UBE2D4: variants seen among roughly 807,000 people sequenced by gnomAD.
The protein encoded by UBE2D4 is ubiquitin conjugating enzyme E2 D4.
A neutral mutation model predicts 23.0 loss-of-function variants in UBE2D4; 17 were observed. That is an observed-to-expected ratio of 0.74 (90% CI 0.51 to 1.11). The LOEUF (loss-of-function observed/expected upper bound fraction) is 1.11. UBE2D4 is among the 50% of genes least tolerant of loss of function. The pLI is 0.00. For missense variants in UBE2D4, 139 were observed against 181.8 expected, an observed-to-expected ratio of 0.76 and a Z score of 1.35; for synonymous variants, 61 against 69.4, an observed-to-expected ratio of 0.88 and a Z score of 0.60.
At chr7:43,947,079 C>G (rs1292960985) in intron 4 of UBE2D4, 4 of 151,934 alleles carry the variant, frequency 2.6e-5, no homozygotes, top group Non-Finnish European at 5.9e-5. Context: ...CGCCCTGTGT[C>G]CCTGTGTTCT....
At position 43,953,268 on chromosome 7, in the gene UBE2D4, G is replaced by T; in HGVS notation, c.*573G>T. 2.2e-6 allele frequency: 1 copy of T among 451,330 alleles called. No individual in the cohort carries two copies. Among genetic ancestry groups the T allele is most frequent in the South Asian group, 1.6e-5 (1 of 63,862 alleles). The allele number at this position is 451,330 out of a possible 1,614,324, so 28.0% of individuals were successfully genotyped here. ...CTGTGGCTTCCACCAGTCTCCTCCT[G>T]CAGTGCCACGTGGTGGCATTTCTCG... is the stretch of plus-strand genomic sequence containing the variant. On this transcript the variant is annotated 3_prime_UTR_variant, in exon 7 of 7. Transcript: ENST00000222402.
rs763477498 is a variant in UBE2D4 at position 43,950,645 on chromosome 7, C to T, written c.351C>T (p.Asp117=). ...CSLLCDPNPD[D]PLVPEIAHTY... ...TGCTCTGCGACCCCAACCCCGATGACCCCCTGGTGCCAGAGATAGCACACA... is the reference window on the plus strand; with the variant it reads ...TGCTCTGCGACCCCAACCCCGATGATCCCCTGGTGCCAGAGATAGCACACA... Residue 117 remains aspartate (D), a synonymous_variant, in exon 6 of 7, where the codon GAC becomes GAT. Transcript: ENST00000222402. 35 of 1,614,054 alleles carry T rather than the reference C, an allele frequency of 2.2e-5. No individual in the cohort carries two copies. The Middle Eastern group carries it at 4.9e-4, about 23-fold the overall frequency.
Position 43,952,718 on chromosome 7 carries a change from G to A in UBE2D4, c.*23G>A. On this transcript the variant is annotated 3_prime_UTR_variant, in exon 7 of 7. Coordinates refer to ENST00000222402, the MANE Select transcript of UBE2D4 (RefSeq NM_015983.4). Reference sequence around the variant, plus strand: ...TAAGTGCCTTGGAGGTTTTACATGAGACACTGTCCAAGAGAAGCTGGCAGA... The same window carrying A: ...TAAGTGCCTTGGAGGTTTTACATGAAACACTGTCCAAGAGAAGCTGGCAGA... 9 of 1,604,344 alleles carry A rather than the reference G, an allele frequency of 5.6e-6. No homozygotes were observed. The highest frequency in any genetic ancestry group is 7.7e-6 in the Non-Finnish European group (9 of 1,171,406).
At chr7:43,938,390 C>G in intron 1 of UBE2D4, 41 bp from the exon 2 acceptor site, 1 of 1,593,754 alleles carries the variant, frequency 6.3e-7, no homozygotes. Context: ...AGGCAGCATC[C>G]CCAGCATACA....
At chr7:43,933,461 C>T (rs1674670877) in intron 1 of UBE2D4, among the ~76,000 whole-genome samples, 1 of 152,110 alleles carries the variant, frequency 6.6e-6, no homozygotes, top group African/African-American at 2.4e-5. Flanking sequence ...AAACTTGGGG[C>T]TGGGCGTGGT....
At chr7:43,936,720 A>G (rs1482067914) in intron 1 of UBE2D4, among the ~76,000 whole-genome samples, 1 of 152,188 alleles carries the variant, frequency 6.6e-6, no homozygotes, top group Admixed American at 6.5e-5. Flanking sequence ...CTTGATATTT[A>G]CTGGGTGCTC....
At chr7:43,937,509 T>A (rs114358070) in intron 1 of UBE2D4, among the ~76,000 whole-genome samples, 161 of 152,284 alleles carry the variant, frequency 1.1e-3, no homozygotes, top group African/African-American at 3.5e-3. Context: ...TATGAGGAAA[T>A]GGGTTCAGAT....
At position 43,943,044 on chromosome 7, in the gene UBE2D4, T is replaced by A; in HGVS notation, c.198+13T>A. On this transcript the variant is annotated intron_variant, in intron 4 of 6. Coordinates refer to ENST00000222402, the MANE Select transcript of UBE2D4 (RefSeq NM_015983.4). ...CAAGCCCCCAAAGGTGAGGTCCCTC[T>A]CCCAACTCCCCTGATGTTTGGATGA... The A allele has an allele frequency of 6.2e-7, 1 of 1,613,008 alleles. No homozygotes were observed. Among genetic ancestry groups the A allele is most frequent in the East Asian group, 2.2e-5 (1 of 44,866 alleles).
intron 1 of UBE2D4, among the ~76,000 whole-genome samples, chr7:43,934,358 T>C (rs147556841): frequency 1.3e-5 from 2 of 152,266 alleles, no homozygotes; most frequent in Non-Finnish European, 2.9e-5. Context: ...GAGGATGATA[T>C]TGTGTAGACA....
At position 43,933,392 on chromosome 7, in the gene UBE2D4, T is replaced by C. The variant is rs1585858810; in HGVS notation, c.25-5039T>C. 2.0e-5 allele frequency among the ~76,000 whole-genome samples: 3 copies of C among 152,230 alleles called. No individual in the cohort carries two copies. In the South Asian group the frequency reaches 6.2e-4, roughly 32 times the overall value. ...AGTGGCTGCATAATACTTGGTTTAGTTTCTCAAAAAAAAGTTTAGTTAACT... is the reference window on the plus strand; with the variant it reads ...AGTGGCTGCATAATACTTGGTTTAGCTTCTCAAAAAAAAGTTTAGTTAACT... On this transcript the variant is annotated intron_variant, in intron 1 of 6. Transcript: ENST00000222402.
chr7:43,953,530 A>C lies in UBE2D4; in HGVS notation c.*835A>C, dbSNP rs947476942. 1.4e-5 allele frequency: 3 copies of C among 213,406 alleles called. No individual in the cohort carries two copies. Among genetic ancestry groups the C allele is most frequent in the Non-Finnish European group, 2.9e-5 (3 of 104,116 alleles). The allele number at this position is 213,406 out of a possible 1,614,324, so 13.2% of individuals were successfully genotyped here. On this transcript the variant is annotated 3_prime_UTR_variant, in exon 7 of 7. Coordinates refer to ENST00000222402, the MANE Select transcript of UBE2D4 (RefSeq NM_015983.4). Reference sequence around the variant, plus strand: ...AACACAAGGAGGGAGAGAGACTCTTAAACGTAAATAAAAATGCAATTCACT... The same window carrying C: ...AACACAAGGAGGGAGAGAGACTCTTCAACGTAAATAAAAATGCAATTCACT...
chr7:43,950,141 C>CCA, intron 5 of UBE2D4, among the ~76,000 whole-genome samples: 1 of 152,204 alleles, frequency 6.6e-6, no homozygotes, highest in Non-Finnish European at 1.5e-5. Context: ...CAGGCAAGAG[C>CCA]CACCGCACCT....
intron 5 of UBE2D4, among the ~76,000 whole-genome samples, chr7:43,950,245 C>T (rs2095998948): frequency 6.6e-6 from 1 of 152,204 alleles, no homozygotes; most frequent in African/African-American, 2.4e-5. Flanking sequence ...GTTTCCTTAA[C>T]AGTAAACAGG....
intron 4 of UBE2D4, 108 bp from the exon 5 acceptor site, chr7:43,948,524 A>G: frequency 1.4e-6 from 1 of 716,628 alleles, no homozygotes. Context: ...GGGGCCAGGT[A>G]TGCAGCACAC....
chr7:43,944,441 T>TCTTA lies in UBE2D4; in HGVS notation c.198+1413_198+1416dup, dbSNP rs1457181372. The TCTTA allele has an allele frequency of 1.1e-4, 17 of 152,210 alleles. No individual in the cohort carries two copies. Among genetic ancestry groups the TCTTA allele is most frequent in the African/African-American group, 4.1e-4 (17 of 41,442 alleles). 9.4% of individuals were successfully genotyped at this position (152,210 alleles called of 1,614,324 possible). ...GCTGAGGGGTTGTGATATTGCTATG[T>TCTTA]CTTACTACCTTGACTTGGCCTTGAT... On this transcript the variant is annotated intron_variant, in intron 4 of 6. Coordinates refer to ENST00000222402, the MANE Select transcript of UBE2D4 (RefSeq NM_015983.4). This position sits in a 1 kb window ranked among gnomAD's most constrained non-coding sequence, Gnocchi z 4.0.
intron 1 of UBE2D4, among the ~76,000 whole-genome samples, chr7:43,935,400 T>C (rs2095956235): frequency 1.3e-5 from 2 of 152,228 alleles, no homozygotes; most frequent in Admixed American, 1.3e-4. Context: ...TTCAACTTTT[T>C]ACAGAATACC....
intron 1 of UBE2D4, among the ~76,000 whole-genome samples, chr7:43,932,460 A>T (rs138264490): frequency 1.3e-5 from 2 of 152,216 alleles, no homozygotes. Flanking sequence ...TACATATTTA[A>T]CACATATATT....
At chr7:43,926,592 C>T (rs748651999) in intron 1 of UBE2D4, 36 bp downstream of exon 1, 2 of 1,551,772 alleles carry the variant, frequency 1.3e-6, no homozygotes, top group African/African-American at 2.8e-5. Context: ...CTTTGGGTGT[C>T]CGAAGCGTCG....
intron 4 of UBE2D4, among the ~76,000 whole-genome samples, chr7:43,948,411 A>G (rs141498012): frequency 1.2e-4 from 19 of 152,324 alleles, no homozygotes; most frequent in Middle Eastern, 3.4e-3. Context: ...CTATGTTCAG[A>G]ATGAGAATCC....
Sources: gnomAD v4.1 joint callset for allele counts (sites outside exome capture counted in the v4.1 genomes callset) on GRCh38, gnomAD v4.1.1 for gene constraint, Gnocchi (gnomAD v3.1) non-coding constraint, MANE v1.5 for transcripts, NCBI Gene and HGNC (gene_info 2026-07-23, HGNC 2026-07-21) for gene names.